The following SLC47A1 variants were observed in gnomAD, a reference collection of about 807,000 sequenced individuals.
The protein encoded by SLC47A1 is solute carrier family 47 member 1, also known as multidrug and toxin extrusion protein 1.
A neutral mutation model predicts 65.8 loss-of-function variants in SLC47A1; 58 were observed. The ratio of observed to expected loss-of-function variants is 0.88; its 90% CI spans 0.71 to 1.10. The LOEUF is 1.10. SLC47A1 is among the 50% of genes least tolerant of loss of function. The probability of loss-of-function intolerance (pLI) is 0.00; values close to 1 mark genes in which losing one functional copy is unlikely to be tolerated. For synonymous variants in SLC47A1, 285 were observed against 295.0 expected, an observed-to-expected ratio of 0.97 and a Z score of 0.35; for missense variants, 706 against 719.2, an observed-to-expected ratio of 0.98 and a Z score of 0.21.
At chr17:19,562,763 G>A (rs1483672698) in intron 12 of SLC47A1, among the ~76,000 whole-genome samples, 1 of 152,016 alleles carries the variant, frequency 6.6e-6, no homozygotes, top group Non-Finnish European at 1.5e-5. Context: ...GGAAAAGAAT[G>A]AAAAACAAGA....
chr17:19,540,989 C>T (rs763831848), intron 1 of SLC47A1, among the ~76,000 whole-genome samples: 4 of 152,106 alleles, frequency 2.6e-5, no homozygotes, highest in African/African-American at 4.8e-5. Context: ...GGGAGATCAT[C>T]GGAACCATTA....
intron 1 of SLC47A1, among the ~76,000 whole-genome samples, chr17:19,537,316 G>A (rs754709979): frequency 6.6e-5 from 10 of 151,774 alleles, no homozygotes; most frequent in African/African-American, 1.2e-4. Context: ...CGCTTTACCC[G>A]GGACACACAA....
Position 19,567,235 on chromosome 17 carries a change from T to G in SLC47A1, c.1309+7T>G. ...ACCACACTTGGAGTGATGGGTAAGC[T>G]CTAACCTCTGCAGGCAGGGCTTAGC... On this transcript the variant is annotated splice_region_variant and intron_variant, in intron 14 of 16. Coordinates refer to ENST00000270570, the MANE Select transcript of SLC47A1 (RefSeq NM_018242.3). 6.2e-7 allele frequency: 1 copy of G among 1,614,160 alleles called. No individual in the cohort carries two copies. The highest frequency in any genetic ancestry group is 8.5e-7 in the Non-Finnish European group (1 of 1,180,032).
intron 16 of SLC47A1, among the ~76,000 whole-genome samples, chr17:19,575,307 G>A: frequency 6.6e-6 from 1 of 151,998 alleles, no homozygotes; most frequent in South Asian, 2.1e-4. Context: ...TGCTCATTAG[G>A]AAGTGGGATG....
chr17:19,568,920 T>TAAAA (rs2084379494), intron 14 of SLC47A1, among the ~76,000 whole-genome samples: 1 of 152,014 alleles, frequency 6.6e-6, no homozygotes, highest in African/African-American at 2.4e-5. Context: ...AGATGGGGTC[T>TAAAA]TGCTATGTTG....
intron 1 of SLC47A1, chr17:19,534,404 C>T (rs955726788): frequency 1.2e-4 from 32 of 263,502 alleles, no homozygotes; most frequent in Non-Finnish European, 1.4e-5. Context: ...TTGCCCCTAA[C>T]GGGGCTCTAC....
chr17:19,551,406 T>A lies in SLC47A1; in HGVS notation c.499-18T>A. 8.8e-6 allele frequency: 14 copies of A among 1,591,640 alleles called. No individual in the cohort carries two copies. The highest frequency in any genetic ancestry group is 1.2e-5 in the Non-Finnish European group (14 of 1,159,570). On this transcript the variant is annotated intron_variant, in intron 5 of 16. Transcript: ENST00000270570. ...CAAGGCTGAAACATTAACATTCATC[T>A]CTCTTGTTCTCTTGTAGGCAACCTT...
intron 5 of SLC47A1, among the ~76,000 whole-genome samples, chr17:19,550,994 C>T (rs1916431617): frequency 6.6e-6 from 1 of 152,200 alleles, no homozygotes. Flanking sequence ...TCTAGGGACA[C>T]CATTTGCCCT....
Position 19,556,053 on chromosome 17 carries a change from T to A in SLC47A1, c.912T>A (p.Ile304=), listed in dbSNP as rs1405987548. The A allele has an allele frequency of 3.1e-6, 5 of 1,613,830 alleles. No homozygotes were observed. Among genetic ancestry groups the A allele is most frequent in the African/African-American group, 1.3e-5 (1 of 74,910 alleles). The change falls in exon 10 of 17, where the codon ATT becomes ATA. Residue 304 remains isoleucine, a synonymous_variant. Coordinates refer to ENST00000270570, the MANE Select transcript of SLC47A1 (RefSeq NM_018242.3). ...AQSIVYELAI[I]VYMVPAGFSV... is the part of the protein sequence containing the mutation. ...CCATCGTGTATGAACTGGCCATCAT[T>A]GTGTACATGGTAAGCAGGGGAGCCG...
chr17:19,550,111 G>GT (rs1402090354), intron 5 of SLC47A1, among the ~76,000 whole-genome samples: 4 of 151,914 alleles, frequency 2.6e-5, no homozygotes, highest in Non-Finnish European at 5.9e-5. Flanking sequence ...GAGCTAAGTG[G>GT]TTTTTTTGTT....
chr17:19,562,520 G>C (rs1181276222), intron 12 of SLC47A1, among the ~76,000 whole-genome samples: 1 of 151,372 alleles, frequency 6.6e-6, no homozygotes. Context: ...AGCTGAGATT[G>C]TGCCACTGCA....
chr17:19,540,874 A>ACACACACACACACACACACC (rs1285017210), intron 1 of SLC47A1, among the ~76,000 whole-genome samples: 3 of 151,334 alleles, frequency 2.0e-5, no homozygotes, highest in African/African-American at 7.3e-5. Context: ...ACACACACAC[A>ACACACACACACACACACACC]CACCCCTAGG....
intron 6 of SLC47A1, among the ~76,000 whole-genome samples, chr17:19,551,964 C>A (rs9909350): frequency 0.029 from 4,432 of 152,328 alleles, 162 homozygotes; most frequent in South Asian, 0.086. Flanking sequence ...AACTCCTCCT[C>A]TGTGATTAAA....
chr17:19,549,006 T>A (rs1002566016), intron 4 of SLC47A1, among the ~76,000 whole-genome samples: 1 of 152,070 alleles, frequency 6.6e-6, no homozygotes, highest in Non-Finnish European at 1.5e-5. Context: ...AGGGTGCTCC[T>A]GGTAGAAGGC....
At chr17:19,541,503 A>G (rs932814831) in intron 1 of SLC47A1, among the ~76,000 whole-genome samples, 1 of 152,168 alleles carries the variant, frequency 6.6e-6, no homozygotes, top group Non-Finnish European at 1.5e-5. Flanking sequence ...AGAATTGCCC[A>G]CTGGAATTTC....
At chr17:19,566,239 G>A (rs540029248) in intron 12 of SLC47A1, among the ~76,000 whole-genome samples, 9 of 152,242 alleles carry the variant, frequency 5.9e-5, no homozygotes, top group East Asian at 3.9e-4. Flanking sequence ...TCCTCTCTGC[G>A]ATTTCAGGCA....
At chr17:19,538,687 G>C (rs987481261) in intron 1 of SLC47A1, among the ~76,000 whole-genome samples, 1 of 152,156 alleles carries the variant, frequency 6.6e-6, no homozygotes, top group African/African-American at 2.4e-5. Flanking sequence ...CTCCTGGGCT[G>C]TGCTTCCTCA....
At chr17:19,559,860 A>G (rs1393265193) in intron 10 of SLC47A1, among the ~76,000 whole-genome samples, 1 of 151,958 alleles carries the variant, frequency 6.6e-6, no homozygotes, top group Non-Finnish European at 1.5e-5. Context: ...ACAAAAACAA[A>G]AAAAAAACAG....
At position 19,549,650 on chromosome 17, in the gene SLC47A1, T is replaced by A. The variant is rs1567967941; in HGVS notation, c.471T>A (p.Tyr157Ter). The change falls in exon 5 of 17, where the codon TAT becomes TAA. Residue 157 changes from tyrosine (Y) to a stop codon, truncating the protein, a stop_gained. Coordinates refer to ENST00000270570, the MANE Select transcript of SLC47A1 (RefSeq NM_018242.3). LOFTEE classifies it high-confidence loss of function. ...CGTTATTTAGGCTTACCCAGACCTATGTCACGATCTTCATTCCAGCTCTTC... is the reference window on the plus strand; with the variant it reads ...CGTTATTTAGGCTTACCCAGACCTAAGTCACGATCTTCATTCCAGCTCTTC... ...DPDVSRLTQT[Y>*]VTIFIPALPA... 6.2e-7 allele frequency: 1 copy of A among 1,614,220 alleles called. No individual in the cohort carries two copies. Among genetic ancestry groups the A allele is most frequent in the Non-Finnish European group, 8.5e-7 (1 of 1,180,024 alleles).
Sources: gnomAD v4.1 joint callset for allele counts (sites outside exome capture counted in the v4.1 genomes callset) on GRCh38, gnomAD v4.1.1 for gene constraint, MANE v1.5 for transcripts, NCBI Gene and HGNC (gene_info 2026-07-23, HGNC 2026-07-21) for gene names.